Variants in TXNRD1 observed in about 807,000 individuals in gnomAD.
TXNRD1 encodes the protein thioredoxin reductase 1.
Under a neutral mutation model 80.3 loss-of-function variants are expected in TXNRD1, and 57 were observed. The ratio of observed to expected loss-of-function variants is 0.71; its 90% CI spans 0.57 to 0.89. The LOEUF (loss-of-function observed/expected upper bound fraction) is 0.89. TXNRD1 is among the 40% of genes least tolerant of loss of function. The probability of loss-of-function intolerance (pLI) is 0.00; values close to 1 mark genes in which losing one functional copy is unlikely to be tolerated. For synonymous variants in TXNRD1, 291 were observed against 285.2 expected, an observed-to-expected ratio of 1.02 and a Z score of -0.20; for missense variants, 730 against 803.0, an observed-to-expected ratio of 0.91 and a Z score of 1.10.
At chr12:104,261,802 G>A (rs1454547026) in intron 3 of TXNRD1, among the ~76,000 whole-genome samples, 1 of 152,038 alleles carries the variant, frequency 6.6e-6, no homozygotes, top group East Asian at 2.0e-4. Context: ...AGCTCAGTGA[G>A]CAAAGGTGCA....
At chr12:104,222,387 A>G (rs1297995068) in intron 1 of TXNRD1, among the ~76,000 whole-genome samples, 1 of 152,200 alleles carries the variant, frequency 6.6e-6, no homozygotes, top group Non-Finnish European at 1.5e-5. Flanking sequence ...AGAAAAAAAA[A>G]CAGGTATCAA....
At chr12:104,310,479 CT>C (rs1459429674) in intron 4 of TXNRD1, among the ~76,000 whole-genome samples, 1 of 152,082 alleles carries the variant, frequency 6.6e-6, no homozygotes, top group Non-Finnish European at 1.5e-5. Context: ...TTTTATTGTG[CT>C]TGTTAACAAC....
In TXNRD1 at chr12:104,240,750, AT is replaced by A. The variant is rs11422135; in HGVS notation, c.92-10762del. Among the ~76,000 whole-genome samples the A allele has an allele frequency of 1.7e-3, 248 of 142,956 alleles. 1 individual carries two copies. Among genetic ancestry groups the A allele is most frequent in the African/African-American group, 5.5e-3 (212 of 38,786 alleles). The allele number at this position is 142,956 out of a possible 152,430, so 93.8% of individuals were successfully genotyped here. On this transcript the variant is annotated intron_variant, in intron 1 of 16. Coordinates refer to ENST00000525566, the MANE Select transcript of TXNRD1 (RefSeq NM_001093771.3). The stretch of plus-strand genomic sequence containing the variant: ...TGTCCAGAAAAGGTATCTTTGTGGA[AT>A]TTTTTTTTTTTTTTGGAGTGTTGCT...
At chr12:104,305,360 TA>T (rs11368015) in intron 4 of TXNRD1, among the ~76,000 whole-genome samples, 136,778 of 150,946 alleles carry the variant, frequency 0.91, 62,188 homozygotes, top group African/African-American at 0.98. Context: ...AAACAAAAGT[TA>T]AAAAAAAAAA....
chr12:104,304,765 A>G, intron 4 of TXNRD1: 1 of 1,614,006 alleles, frequency 6.2e-7, no homozygotes, highest in Admixed American at 1.7e-5. Flanking sequence ...GGCTTGATGA[A>G]GACAGGCTGC....
chr12:104,220,427 A>T (rs77882077), intron 1 of TXNRD1, among the ~76,000 whole-genome samples: 3,151 of 152,194 alleles, frequency 0.021, 121 homozygotes, highest in African/African-American at 0.072. Context: ...TAGCTTTTTT[A>T]AAAAGTGTAT....
Position 104,350,045 on chromosome 12 carries a change from A to G in TXNRD1, c.*1624A>G, listed in dbSNP as rs1333930143. ...TTTCTCCAAGTCCACCAGTCTCTGAAATTAGAACAGTAGGCGGTATGAGAT... is the reference window on the plus strand; with the variant it reads ...TTTCTCCAAGTCCACCAGTCTCTGAGATTAGAACAGTAGGCGGTATGAGAT... On this transcript the variant is annotated 3_prime_UTR_variant, in exon 17 of 17. Transcript: ENST00000525566. 1 of 152,182 alleles carries G rather than the reference A, an allele frequency of 6.6e-6. No individual in the cohort carries two copies. The highest frequency in any genetic ancestry group is 1.5e-5 in the Non-Finnish European group (1 of 68,038). 9.4% of individuals were successfully genotyped at this position (152,182 alleles called of 1,614,324 possible).
chr12:104,278,253 T>A (rs186826750), intron 3 of TXNRD1, among the ~76,000 whole-genome samples: 1 of 139,038 alleles, frequency 7.2e-6, no homozygotes, highest in East Asian at 2.1e-4. Context: ...CAGGCTGGAG[T>A]GCAGTGGCGT....
intron 3 of TXNRD1, among the ~76,000 whole-genome samples, chr12:104,271,379 G>T (rs1431304465): frequency 6.6e-6 from 1 of 151,850 alleles, no homozygotes; most frequent in African/African-American, 2.4e-5. Flanking sequence ...GGGTTTCACC[G>T]TGTTAGCCAG....
At chr12:104,346,029 T>C (rs1399506992) in intron 16 of TXNRD1, 1 of 1,280,286 alleles carries the variant, frequency 7.8e-7, no homozygotes, top group East Asian at 5.6e-5. Context: ...TTTTTTTCAT[T>C]TATTTGAGAT....
At chr12:104,282,626 T>TGG (rs1411492179) in intron 3 of TXNRD1, among the ~76,000 whole-genome samples, 1 of 151,820 alleles carries the variant, frequency 6.6e-6, no homozygotes. Flanking sequence ...GCTTTGTGTG[T>TGG]GTGTGTGAAG....
chr12:104,323,430 G>C (rs1401296667), intron 10 of TXNRD1, among the ~76,000 whole-genome samples: 1 of 148,642 alleles, frequency 6.7e-6, no homozygotes, highest in Non-Finnish European at 1.5e-5. Flanking sequence ...CCTCCCGGAC[G>C]GGGCGGCTGG....
chr12:104,301,692 A>G (rs190699135), intron 4 of TXNRD1, among the ~76,000 whole-genome samples: 3 of 152,348 alleles, frequency 2.0e-5, no homozygotes, highest in African/African-American at 7.2e-5. Flanking sequence ...CGTTCACTGT[A>G]AAAGCAGACT....
intron 3 of TXNRD1, among the ~76,000 whole-genome samples, chr12:104,278,395 T>C (rs773196418): frequency 6.6e-6 from 1 of 151,214 alleles, no homozygotes; most frequent in East Asian, 1.9e-4. Context: ...AGAGACGGGT[T>C]TCACCATTTT....
chr12:104,241,481 C>T (rs1455050287), intron 1 of TXNRD1, among the ~76,000 whole-genome samples: 1 of 152,170 alleles, frequency 6.6e-6, no homozygotes, highest in African/African-American at 2.4e-5. Flanking sequence ...AGCGATTCTC[C>T]TGACTCAGCC....
At chr12:104,296,694 G>T (rs1450348056) in intron 4 of TXNRD1, among the ~76,000 whole-genome samples, 1 of 152,230 alleles carries the variant, frequency 6.6e-6, no homozygotes, top group Non-Finnish European at 1.5e-5. Context: ...TCGTGGTAGG[G>T]CCAGAAGAGA....
chr12:104,288,612 A>G, intron 3 of TXNRD1: 1 of 498,456 alleles, frequency 2.0e-6, no homozygotes. Flanking sequence ...TGAATTCGGG[A>G]TTTACCGGGA....
At chr12:104,337,058 A>T (rs962230220) in intron 15 of TXNRD1, among the ~76,000 whole-genome samples, 6 of 152,052 alleles carry the variant, frequency 3.9e-5, no homozygotes, top group African/African-American at 1.4e-4. Flanking sequence ...CATACACATT[A>T]TACAGTGTTC....
chr12:104,324,055 CTG>C (rs1324850798), intron 10 of TXNRD1, among the ~76,000 whole-genome samples: 2 of 152,064 alleles, frequency 1.3e-5, no homozygotes, highest in African/African-American at 2.4e-5. Context: ...TACAAAGGCT[CTG>C]TGGGGAGAAA....
Sources: gnomAD v4.1 joint callset for allele counts (sites outside exome capture counted in the v4.1 genomes callset) on GRCh38, gnomAD v4.1.1 for gene constraint, MANE v1.5 for transcripts, NCBI Gene and HGNC (gene_info 2026-07-23, HGNC 2026-07-21) for gene names.